MDGA2: variants seen among roughly 807,000 people sequenced by gnomAD.
The protein encoded by MDGA2 is MAM domain containing glycosylphosphatidylinositol anchor 2.
Under a neutral mutation model 117.8 loss-of-function variants are expected in MDGA2, and 40 were observed. The ratio of observed to expected loss-of-function variants is 0.34; its 90% CI spans 0.26 to 0.44. The LOEUF is 0.44. Ranked by LOEUF, MDGA2 falls within the 20% of genes least tolerant of loss-of-function variation. MDGA2 has a pLI of 1.00. For missense variants in MDGA2, 1,123 were observed against 1,250.6 expected (o/e 0.90, Z 1.54); for synonymous variants, 452 against 439.0 (o/e 1.03, Z -0.37).
chr14:47,356,997 C>T (rs892165301), intron 1 of MDGA2, among the ~76,000 whole-genome samples: 10 of 152,214 alleles, frequency 6.6e-5, no homozygotes, highest in South Asian at 2.1e-4. Flanking sequence ...TAAATCTTAA[C>T]GGAGATTTTA....
chr14:46,932,990 A>G (rs1884636944), intron 9 of MDGA2, among the ~76,000 whole-genome samples: 1 of 152,142 alleles, frequency 6.6e-6, no homozygotes. Flanking sequence ...AAACATATGG[A>G]CATTAAAATT....
intron 3 of MDGA2, among the ~76,000 whole-genome samples, chr14:47,186,606 C>G (rs1166124162): frequency 6.6e-6 from 1 of 151,856 alleles, no homozygotes; most frequent in African/African-American, 2.4e-5. Flanking sequence ...GGAAACAGAA[C>G]TGGAGTGTTT....
At chr14:46,956,812 T>C (rs1412676597) in intron 9 of MDGA2, among the ~76,000 whole-genome samples, 10 of 152,120 alleles carry the variant, frequency 6.6e-5, no homozygotes, top group Admixed American at 6.6e-4. Context: ...AGGGCTCTAG[T>C]GGGAGGTAAT....
intron 1 of MDGA2, among the ~76,000 whole-genome samples, chr14:47,387,297 C>T (rs1330581964): frequency 6.6e-6 from 1 of 152,060 alleles, no homozygotes; most frequent in Non-Finnish European, 1.5e-5. Flanking sequence ...ACTTTGGTAC[C>T]ACGGTTGGGT....
chr14:47,314,209 A>G (rs561099529), intron 1 of MDGA2, among the ~76,000 whole-genome samples: 7 of 152,258 alleles, frequency 4.6e-5, no homozygotes, highest in African/African-American at 1.7e-4. Flanking sequence ...ACCTTCCACA[A>G]AAGATTTTAT....
chr14:47,239,644 A>G (rs1886974457), intron 2 of MDGA2, among the ~76,000 whole-genome samples: 1 of 151,810 alleles, frequency 6.6e-6, no homozygotes, highest in Non-Finnish European at 1.5e-5. Flanking sequence ...ACCTTTGGCT[A>G]TTTTACTATT....
At chr14:47,354,458 C>T (rs961159057) in intron 1 of MDGA2, among the ~76,000 whole-genome samples, 16 of 152,148 alleles carry the variant, frequency 1.1e-4, no homozygotes, top group African/African-American at 3.9e-4. Flanking sequence ...ATTCTCACCA[C>T]CAAACATGCT....
intron 2 of MDGA2, among the ~76,000 whole-genome samples, chr14:47,221,455 G>A (rs1301991472): frequency 1.3e-5 from 2 of 152,164 alleles, no homozygotes; most frequent in Admixed American, 6.5e-5. Context: ...TTGGGAGGCC[G>A]AGGCAGGCGG....
intron 8 of MDGA2, among the ~76,000 whole-genome samples, chr14:47,000,332 T>TA (rs1415445618): frequency 4.8e-5 from 5 of 103,328 alleles, no homozygotes; most frequent in African/African-American, 1.3e-4. Flanking sequence ...TATATATATA[T>TA]TTATATATAT....
At chr14:46,895,543 T>C (rs1156256398) in intron 10 of MDGA2, among the ~76,000 whole-genome samples, 3 of 152,052 alleles carry the variant, frequency 2.0e-5, no homozygotes, top group Non-Finnish European at 4.4e-5. Flanking sequence ...CTGGTCAATA[T>C]GGTGAAACCC....
intron 1 of MDGA2, among the ~76,000 whole-genome samples, chr14:47,422,571 T>G (rs1892601790): frequency 1.3e-5 from 2 of 152,210 alleles, no homozygotes; most frequent in Non-Finnish European, 2.9e-5. Context: ...AAGTTTTGTT[T>G]CCATCATTCA....
intron 8 of MDGA2, among the ~76,000 whole-genome samples, chr14:46,992,408 A>C (rs190254197): frequency 3.9e-5 from 6 of 152,234 alleles, no homozygotes; most frequent in Admixed American, 3.9e-4. Flanking sequence ...TTAAGTTTTG[A>C]ACAATTTTTT....
chr14:47,033,700 A>C (rs957357269), intron 8 of MDGA2, among the ~76,000 whole-genome samples: 1 of 152,180 alleles, frequency 6.6e-6, no homozygotes, highest in Non-Finnish European at 1.5e-5. Context: ...AATCGATTAG[A>C]AATCAGCCAG....
intron 1 of MDGA2, among the ~76,000 whole-genome samples, chr14:47,329,520 A>G (rs1890236239): frequency 6.6e-6 from 1 of 152,090 alleles, no homozygotes; most frequent in Non-Finnish European, 1.5e-5. Flanking sequence ...CTTCCCATTA[A>G]TGAGCATATC....
Position 47,201,112 on chromosome 14 carries a change from A to G in MDGA2, c.595+16909T>C, listed in dbSNP as rs1312262977. 7 of 794,666 alleles carry G rather than the reference A, an allele frequency of 8.8e-6. No homozygotes were observed. In the Admixed American group the frequency reaches 1.0e-4, roughly 12 times the overall value. 49.2% of individuals were successfully genotyped at this position (794,666 alleles called of 1,614,324 possible). On this transcript the variant is annotated intron_variant, in intron 3 of 16. Transcript: ENST00000399232. ...GACCTGCACCTCCGCCATCTTCGGC[A>G]GCAGCTTGGGAAAGCCCTTTTTCTA... is the stretch of plus-strand genomic sequence containing the variant.
chr14:47,246,524 T>C (rs961972168), intron 2 of MDGA2, among the ~76,000 whole-genome samples: 2 of 151,736 alleles, frequency 1.3e-5, no homozygotes, highest in Middle Eastern at 3.4e-3. Context: ...TAGAAGAGAC[T>C]ACTGACAGGT....
intron 15 of MDGA2, among the ~76,000 whole-genome samples, chr14:46,852,628 T>C (rs1302852618): frequency 6.6e-6 from 1 of 151,758 alleles, no homozygotes; most frequent in East Asian, 1.9e-4. Context: ...TGAATTTGAG[T>C]TAATAGTGCC....
Position 47,061,250 on chromosome 14 carries a change from T to A in MDGA2, c.1524A>T (p.Thr508=). 6.2e-7 allele frequency: 1 copy of A among 1,609,798 alleles called. No individual in the cohort carries two copies. The highest frequency in any genetic ancestry group is 8.5e-7 in the Non-Finnish European group (1 of 1,176,430). Reference sequence around the variant, plus strand: ...ACATCATAAATATATGCCTCTTACCTGTGCTGCTGGATATATTAACATCGA... The same window carrying A: ...ACATCATAAATATATGCCTCTTACCAGTGCTGCTGGATATATTAACATCGA... ...ISIDVNISSS[T]VPPNLTVPQE... Residue 508 remains threonine, a splice_region_variant and synonymous_variant, in exon 7 of 17, where the codon ACA becomes ACT. Coordinates refer to ENST00000399232, the MANE Select transcript of MDGA2 (RefSeq NM_001113498.3).
chr14:47,177,571 G>A (rs1187213920), intron 3 of MDGA2, among the ~76,000 whole-genome samples: 1 of 152,108 alleles, frequency 6.6e-6, no homozygotes. Flanking sequence ...AACACCGCAT[G>A]TTCTCACTCA....
Sources: gnomAD v4.1 joint callset for allele counts (sites outside exome capture counted in the v4.1 genomes callset) on GRCh38, gnomAD v4.1.1 for gene constraint, MANE v1.5 for transcripts, NCBI Gene and HGNC (gene_info 2026-07-23, HGNC 2026-07-21) for gene names.